AKAP13: variants seen among roughly 807,000 people sequenced by gnomAD.
The protein encoded by AKAP13 is A-kinase anchor protein 13.
AKAP13 carries 80 observed loss-of-function variants against 264.5 expected under a neutral mutation model. That is an observed-to-expected ratio of 0.30 (90% CI 0.25 to 0.36). AKAP13 has a LOEUF of 0.36. Among genes scored for constraint, AKAP13 ranks in the 10% least tolerant of loss-of-function variants. The pLI is 1.00. For missense variants in AKAP13, 3,712 were observed against 3,435.2 expected (o/e 1.08, Z -2.01); for synonymous variants, 1,380 against 1,250.2 (o/e 1.10, Z -2.19).
chr15:85,499,719 A>G (rs1225294327), intron 2 of AKAP13, among the ~76,000 whole-genome samples: 2 of 150,096 alleles, frequency 1.3e-5, no homozygotes, highest in South Asian at 2.2e-4. Context: ...ATTTCCTGCC[A>G]CTTGTCTCTG....
At chr15:85,499,206 C>T (rs1288329236) in intron 2 of AKAP13, among the ~76,000 whole-genome samples, 1 of 152,096 alleles carries the variant, frequency 6.6e-6, no homozygotes, top group Non-Finnish European at 1.5e-5. Context: ...AAGGTGTGTA[C>T]TATCAAATAC....
chr15:85,428,277 G>A (rs954324985), intron 1 of AKAP13, among the ~76,000 whole-genome samples: 4 of 152,168 alleles, frequency 2.6e-5, no homozygotes, highest in Non-Finnish European at 4.4e-5. Flanking sequence ...TTGGCTCACC[G>A]CAACCTCCGC....
intron 1 of AKAP13, among the ~76,000 whole-genome samples, chr15:85,458,218 TA>T (rs2074351957): frequency 6.6e-6 from 1 of 151,986 alleles, no homozygotes; most frequent in Non-Finnish European, 1.5e-5. Flanking sequence ...TGATTTTTAG[TA>T]ATACATGTTT....
chr15:85,666,472 G>C (rs1251213171), intron 13 of AKAP13, among the ~76,000 whole-genome samples: 3 of 151,640 alleles, frequency 2.0e-5, no homozygotes, highest in African/African-American at 7.3e-5. Context: ...TCTGTAGGTC[G>C]CCTGTTCACT....
At chr15:85,587,417 G>A (rs62023930) in intron 8 of AKAP13, among the ~76,000 whole-genome samples, 14,142 of 152,090 alleles carry the variant, frequency 0.093, 963 homozygotes, top group Non-Finnish European at 0.14. Flanking sequence ...ATACTGTTCC[G>A]TTGTATAGAT....
chr15:85,566,863 C>T (rs979090818), intron 5 of AKAP13, among the ~76,000 whole-genome samples: 8 of 151,658 alleles, frequency 5.3e-5, no homozygotes, highest in African/African-American at 9.7e-5. Flanking sequence ...CTCCTGACCT[C>T]GTGATCTGCC....
At chr15:85,742,337 G>A (rs543560395) in intron 35 of AKAP13, among the ~76,000 whole-genome samples, 5 of 152,318 alleles carry the variant, frequency 3.3e-5, no homozygotes, top group African/African-American at 1.2e-4. Flanking sequence ...TAGCTTAATG[G>A]GGAAGCACAC....
At chr15:85,738,675 A>T (rs1441253218) in intron 33 of AKAP13, among the ~76,000 whole-genome samples, 2 of 151,446 alleles carry the variant, frequency 1.3e-5, no homozygotes, top group Non-Finnish European at 2.9e-5. Flanking sequence ...CGTCTCTACT[A>T]AAAATACAAA....
intron 14 of AKAP13, among the ~76,000 whole-genome samples, chr15:85,681,257 C>T (rs542694459): frequency 6.6e-6 from 1 of 152,270 alleles, no homozygotes; most frequent in African/African-American, 2.4e-5. Flanking sequence ...AATAGTGTTA[C>T]AGAGTAACCT....
intron 5 of AKAP13, among the ~76,000 whole-genome samples, chr15:85,552,659 G>T (rs372413422): frequency 8.2e-6 from 1 of 121,910 alleles, no homozygotes; most frequent in South Asian, 2.5e-4. Flanking sequence ...ACGGAGTCTC[G>T]TTCTGTCACC....
chr15:85,562,335 C>T (rs1326665610), intron 5 of AKAP13, among the ~76,000 whole-genome samples: 3 of 151,708 alleles, frequency 2.0e-5, no homozygotes, highest in South Asian at 2.1e-4. Context: ...GAGGCCGAGG[C>T]GTGCGGATCA....
intron 12 of AKAP13, among the ~76,000 whole-genome samples, chr15:85,662,939 G>T (rs1321910440): frequency 6.6e-6 from 1 of 152,160 alleles, no homozygotes; most frequent in African/African-American, 2.4e-5. Context: ...TTTGCAGTAA[G>T]CATAGATCTG....
rs144080605 is a variant in AKAP13, at chr15:85,577,705, T to C, written c.862-1225T>C. 72 of 696,284 alleles carry C rather than the reference T, an allele frequency of 1.0e-4. 1 individual carries two copies. The African/African-American group carries it at 1.3e-3, about 13-fold the overall frequency. The allele number at this position is 696,284 out of a possible 1,614,324, so 43.1% of individuals were successfully genotyped here. A position where few individuals can be genotyped will look rare whatever the true frequency, so the allele number is the denominator to read the frequency against. On this transcript the variant is annotated intron_variant, in intron 6 of 36. Coordinates refer to ENST00000394518, the MANE Select transcript of AKAP13 (RefSeq NM_007200.5). ...TAGTATCCATAATATACTCTGACAG[T>C]ATATAGGTATATGTTCTCATTTATT...
intron 13 of AKAP13, 95 bp downstream of exon 13, chr15:85,664,850 G>T: frequency 1.7e-6 from 2 of 1,163,122 alleles, no homozygotes; most frequent in Non-Finnish European, 1.2e-6. Context: ...TAGTAGCTAT[G>T]ATTACTTACC....
intron 8 of AKAP13, among the ~76,000 whole-genome samples, chr15:85,594,961 GT>G (rs1467887336): frequency 3.3e-5 from 5 of 152,148 alleles, no homozygotes; most frequent in Non-Finnish European, 7.3e-5. Context: ...AATTTCAGAT[GT>G]TTCTAGTCTC....
intron 14 of AKAP13, among the ~76,000 whole-genome samples, chr15:85,673,406 G>C (rs890277053): frequency 9.2e-5 from 14 of 152,050 alleles, no homozygotes; most frequent in Admixed American, 9.2e-4. Context: ...GTGACTTGCC[G>C]GCAATTTTTT....
At chr15:85,690,975 G>A (rs147136506) in intron 16 of AKAP13, among the ~76,000 whole-genome samples, 6 of 152,276 alleles carry the variant, frequency 3.9e-5, no homozygotes, top group Admixed American at 6.5e-5. Context: ...TTACTACAGT[G>A]CTTAGCACGT....
chr15:85,679,278 TA>T (rs2084448387), intron 14 of AKAP13, among the ~76,000 whole-genome samples: 1 of 151,912 alleles, frequency 6.6e-6, no homozygotes, highest in Admixed American at 6.6e-5. Context: ...GTCCTGCTAA[TA>T]CAGAATTATG....
intron 1 of AKAP13, among the ~76,000 whole-genome samples, chr15:85,409,835 G>A (rs1488226247): frequency 1.3e-5 from 2 of 150,254 alleles, no homozygotes; most frequent in African/African-American, 5.0e-5. Flanking sequence ...GTTTCACCGT[G>A]TTAGCCAGGA....
Sources: gnomAD v4.1 joint callset for allele counts (sites outside exome capture counted in the v4.1 genomes callset) on GRCh38, gnomAD v4.1.1 for gene constraint, MANE v1.5 for transcripts, NCBI Gene and HGNC (gene_info 2026-07-23, HGNC 2026-07-21) for gene names.